Variants in ATXN2 observed in about 807,000 individuals in gnomAD.
ATXN2 encodes ataxin 2, also known as ataxin-2.
In ATXN2, 37 loss-of-function variants were observed where a neutral mutation model predicts 138.6. The observed-to-expected ratio is 0.27, with a 90% CI of 0.21 to 0.35. The LOEUF (loss-of-function observed/expected upper bound fraction) is 0.35, where lower values mean the gene tolerates loss of function less well. ATXN2 is among the 10% of genes least tolerant of loss of function. ATXN2 has a pLI of 1.00. For synonymous variants in ATXN2, 549 were observed against 543.7 expected, an observed-to-expected ratio of 1.01 and a Z score of -0.13; for missense variants, 1,216 against 1,480.3, an observed-to-expected ratio of 0.82 and a Z score of 2.93.
chr12:111,519,700 T>C (rs1880050929), intron 8 of ATXN2, 179 bp downstream of exon 8: 2 of 1,210,464 alleles, frequency 1.7e-6, no homozygotes, highest in Non-Finnish European at 2.2e-6. Flanking sequence ...GAGCTTACTC[T>C]CAAAAGCATA....
At chr12:111,493,785 C>G (rs933395396) in intron 14 of ATXN2, among the ~76,000 whole-genome samples, 30 of 151,222 alleles carry the variant, frequency 2.0e-4, no homozygotes, top group Admixed American at 2.0e-3. Context: ...CGTGCCACCA[C>G]GCCTGGCTAA....
intron 1 of ATXN2, among the ~76,000 whole-genome samples, chr12:111,586,479 G>A (rs1420889507): frequency 6.7e-6 from 1 of 148,658 alleles, no homozygotes; most frequent in African/African-American, 2.5e-5. Context: ...TCTGCCTCCC[G>A]GGTTCAAGCA....
At chr12:111,485,086 C>T in intron 18 of ATXN2, 179 bp downstream of exon 18, 1 of 548,732 alleles carries the variant, frequency 1.8e-6, no homozygotes, top group South Asian at 3.3e-5. Flanking sequence ...CATTTTTTCT[C>T]CCCTGTTTTT....
In ATXN2 at chr12:111,488,561, C is replaced by T. The variant is rs767463811; in HGVS notation, c.2155G>A (p.Glu719Lys). The T allele has an allele frequency of 3.7e-6, 6 of 1,614,202 alleles. No homozygotes were observed. In the South Asian group the frequency reaches 6.6e-5, roughly 18 times the overall value. ...LSNTEHKRGP[E>K]VTSQGVQTSS... is the part of the protein sequence containing the mutation. ...GTCTGAACCCCTTGGGAAGTGACCT[C>T]AGGTCCCCTCTTGTGCTCCGTGTTA... The change falls in exon 15 of 25, where the codon GAG becomes AAG. Residue 719 changes from glutamate (E) to lysine (K), a missense_variant. By Grantham distance (56) the Glu-to-Lys change is moderately conservative. Around this residue, in one of 4 missense-constraint regions of ATXN2, gnomAD observed 490 missense variants for 653.5 expected, o/e 0.75. Coordinates refer to ENST00000673436, the MANE Select transcript of ATXN2 (RefSeq NM_001372574.1).
At chr12:111,579,029 C>T (rs955670972) in intron 1 of ATXN2, among the ~76,000 whole-genome samples, 1 of 151,974 alleles carries the variant, frequency 6.6e-6, no homozygotes, top group Non-Finnish European at 1.5e-5. Context: ...CAGAGCAAGA[C>T]CCTGCCTCAA....
At chr12:111,581,068 G>A (rs1382159781) in intron 1 of ATXN2, among the ~76,000 whole-genome samples, 2 of 150,864 alleles carry the variant, frequency 1.3e-5, no homozygotes, top group African/African-American at 2.4e-5. Flanking sequence ...CCCAGGAGGT[G>A]GAGGTTGCAA....
intron 18 of ATXN2, among the ~76,000 whole-genome samples, chr12:111,483,805 C>T (rs1331918952): frequency 6.6e-6 from 1 of 152,062 alleles, no homozygotes; most frequent in Non-Finnish European, 1.5e-5. Flanking sequence ...CTTTTTGAGG[C>T]AGGGTTTCGC....
intron 5 of ATXN2, among the ~76,000 whole-genome samples, chr12:111,531,684 C>T (rs1880846600): frequency 6.6e-6 from 1 of 152,142 alleles, no homozygotes; most frequent in Non-Finnish European, 1.5e-5. Context: ...GTTAAGGGTG[C>T]AGGATGTATG....
At chr12:111,585,004 T>C (rs1369937769) in intron 1 of ATXN2, among the ~76,000 whole-genome samples, 1 of 152,186 alleles carries the variant, frequency 6.6e-6, no homozygotes, top group Non-Finnish European at 1.5e-5. Context: ...TTATTCTTTT[T>C]CATTTTTCTA....
At chr12:111,528,114 T>C (rs1340967066) in intron 5 of ATXN2, among the ~76,000 whole-genome samples, 1 of 152,240 alleles carries the variant, frequency 6.6e-6, no homozygotes, top group Non-Finnish European at 1.5e-5. Context: ...TTAATCATAC[T>C]AGTTTTTGAA....
In ATXN2 at chr12:111,453,003, T is replaced by C; in HGVS notation, c.3440-163A>G. ...CCATCTGCACCAAAGTGGGGAGGGT[T>C]GGGTGGGTGGGTAGAAACAAACCAG... On this transcript the variant is annotated intron_variant, in intron 24 of 24. Transcript: ENST00000673436. The surrounding 1 kb of genome is among the most constrained non-coding windows in gnomAD (Gnocchi z 5.4). 3.8e-5 allele frequency: 4 copies of C among 104,598 alleles called. No individual in the cohort carries two copies. Among genetic ancestry groups the C allele is most frequent in the Non-Finnish European group, 6.7e-5 (4 of 59,400 alleles). 6.5% of individuals were successfully genotyped at this position (104,598 alleles called of 1,614,324 possible).
At chr12:111,584,458 G>A (rs1249323073) in intron 1 of ATXN2, among the ~76,000 whole-genome samples, 5 of 146,566 alleles carry the variant, frequency 3.4e-5, no homozygotes, top group African/African-American at 1.2e-4. Flanking sequence ...TAGTCCATAG[G>A]CAATGTGCCC....
At chr12:111,574,308 CAAAAA>C (rs997437123) in intron 1 of ATXN2, among the ~76,000 whole-genome samples, 1 of 32,586 alleles carries the variant, frequency 3.1e-5, no homozygotes, top group Admixed American at 3.8e-4. Context: ...ACTCTGTCTC[CAAAAA>C]AAAAAAAAAA....
In ATXN2 at chr12:111,502,952, TG is replaced by T. The variant is rs1010779649; in HGVS notation, c.1935+6596del. ...GTTCTAAAATTAACCCATTTTGGCT[TG>T]GGGGAAGTAGATAGCATGCCACAAT... On this transcript the variant is annotated intron_variant, in intron 14 of 24. Coordinates refer to ENST00000673436, the MANE Select transcript of ATXN2 (RefSeq NM_001372574.1). Among the ~76,000 whole-genome samples, 24 of 152,150 alleles carry T rather than the reference TG, an allele frequency of 1.6e-4. 1 individual carries two copies. Among genetic ancestry groups the T allele is most frequent in the South Asian group, 2.1e-4 (1 of 4,818 alleles).
chr12:111,550,169 T>C (rs1882050552), intron 5 of ATXN2, among the ~76,000 whole-genome samples: 1 of 151,814 alleles, frequency 6.6e-6, no homozygotes, highest in Non-Finnish European at 1.5e-5. Flanking sequence ...TATAGCAAAA[T>C]ACACCCATCC....
chr12:111,484,158 TG>T (rs1249480241), intron 18 of ATXN2, among the ~76,000 whole-genome samples: 1 of 152,168 alleles, frequency 6.6e-6, no homozygotes, highest in Non-Finnish European at 1.5e-5. Flanking sequence ...ATTCTGGCTT[TG>T]GGGAAATAAC....
chr12:111,509,775 TTATC>T (rs1180669718), intron 13 of ATXN2, 112 bp downstream of exon 13: 11 of 968,642 alleles, frequency 1.1e-5, no homozygotes, highest in Non-Finnish European at 1.6e-5. Flanking sequence ...AGCAATACAT[TTATC>T]TATCACAATA....
chr12:111,475,480 T>C (rs1021038306), intron 18 of ATXN2, among the ~76,000 whole-genome samples: 17 of 150,470 alleles, frequency 1.1e-4, no homozygotes, highest in Non-Finnish European at 1.8e-4. Flanking sequence ...ATTTATCTTT[T>C]CTGTTTCTTT....
At chr12:111,464,841 A>G (rs1457778407) in intron 20 of ATXN2, 126 bp from the exon 21 acceptor site, 2 of 728,930 alleles carry the variant, frequency 2.7e-6, no homozygotes, top group Non-Finnish European at 4.8e-6. Context: ...ATAAGAGATG[A>G]CAAGCACTTT....
Sources: allele counts gnomAD v4.1 joint callset (sites outside exome capture counted in the v4.1 genomes callset), GRCh38; gene constraint gnomAD v4.1.1; regional missense constraint gnomAD v4.1.1; non-coding constraint Gnocchi (gnomAD v3.1); transcripts MANE v1.5; gene names NCBI Gene and HGNC (gene_info 2026-07-23, HGNC 2026-07-21).